BACH2: variants seen among roughly 807,000 people sequenced by gnomAD.
The protein encoded by BACH2 is transcription regulator protein BACH2.
Under a neutral mutation model 61.8 loss-of-function variants are expected in BACH2, and 5 were observed. The observed-to-expected ratio is 0.08, with a 90% confidence interval of 0.04 to 0.17. The LOEUF (loss-of-function observed/expected upper bound fraction) is 0.17. BACH2 is among the 10% of genes least tolerant of loss of function. The pLI is 1.00. For missense variants in BACH2, 824 were observed against 1,091.1 expected (o/e 0.76, Z 3.45); for synonymous variants, 446 against 440.1 (o/e 1.01, Z -0.17).
chr6:89,947,198 C>A (rs1478131549), intron 7 of BACH2, among the ~76,000 whole-genome samples: 1 of 152,182 alleles, frequency 6.6e-6, no homozygotes, highest in Non-Finnish European at 1.5e-5. Context: ...CAGGGCAGGG[C>A]AGAATTAGCC....
At chr6:90,211,588 CTGTGTGTGTGTGTGTG>C (rs3072674) in intron 3 of BACH2, among the ~76,000 whole-genome samples, 26 of 144,136 alleles carry the variant, frequency 1.8e-4, no homozygotes, top group Admixed American at 5.5e-4. Flanking sequence ...GTGTCAAGGG[CTGTGTGTGTGTGTGTG>C]TGTGTGTGTG....
At chr6:90,219,783 CAT>C (rs1339818073) in intron 3 of BACH2, among the ~76,000 whole-genome samples, 4 of 39,968 alleles carry the variant, frequency 1.0e-4, no homozygotes, top group African/African-American at 1.6e-4. Context: ...CTTTAAAACA[CAT>C]ACACACACAC....
intron 5 of BACH2, among the ~76,000 whole-genome samples, chr6:90,028,193 T>C (rs1006567423): frequency 2.0e-5 from 3 of 152,216 alleles, no homozygotes; most frequent in South Asian, 2.1e-4. Flanking sequence ...CAGAGTACTC[T>C]GCTCGCATCA....
intron 2 of BACH2, 69 bp from the exon 3 acceptor site, chr6:90,252,659 T>G: frequency 6.6e-6 from 1 of 152,178 alleles, no homozygotes; most frequent in East Asian, 1.9e-4. Context: ...TTTTTATCAA[T>G]GATTGAGACA....
rs73492697 is a variant in BACH2, at chr6:89,948,956, T to C, written c.1836+1314A>G. 4.9e-3 allele frequency among the ~76,000 whole-genome samples: 741 copies of C among 152,322 alleles called. 5 individuals carry two copies. The highest frequency in any genetic ancestry group is 0.017 in the African/African-American group (712 of 41,578). On this transcript the variant is annotated intron_variant, in intron 7 of 8. Coordinates refer to ENST00000257749, the MANE Select transcript of BACH2 (RefSeq NM_021813.4). ...GTTAAGAGAGGGGCAGAAACCAGGC[T>C]AGCAAGCAAAGAAAGTGACCACAGG...
intron 5 of BACH2, among the ~76,000 whole-genome samples, chr6:90,079,211 T>C (rs76711580): frequency 0.013 from 1,980 of 152,262 alleles, 41 homozygotes; most frequent in African/African-American, 0.046. Context: ...CTTGGTTAAC[T>C]GTCCCTCCAA....
At chr6:90,164,521 C>A (rs202194039) in intron 4 of BACH2, among the ~76,000 whole-genome samples, 15,034 of 151,958 alleles carry the variant, frequency 0.099, 1,091 homozygotes, top group East Asian at 0.38. Flanking sequence ...TGAAACTATT[C>A]CAATCAATAG....
At chr6:90,083,500 A>G (rs1781806215) in intron 5 of BACH2, among the ~76,000 whole-genome samples, 1 of 152,236 alleles carries the variant, frequency 6.6e-6, no homozygotes, top group Admixed American at 6.5e-5. Context: ...ACAAATAATC[A>G]TATCATAGGT....
intron 5 of BACH2, among the ~76,000 whole-genome samples, chr6:90,009,733 C>T (rs530473187): frequency 6.6e-6 from 1 of 152,312 alleles, no homozygotes; most frequent in East Asian, 1.9e-4. Flanking sequence ...GTGCGATTCT[C>T]AGCTCACTGC....
At chr6:89,980,438 AT>A (rs1230663533) in intron 6 of BACH2, among the ~76,000 whole-genome samples, 6 of 152,208 alleles carry the variant, frequency 3.9e-5, no homozygotes, top group Non-Finnish European at 8.8e-5. Context: ...AAAGTGCATT[AT>A]AAGTAAGTGC....
At chr6:90,085,180 G>A (rs1413693758) in intron 5 of BACH2, among the ~76,000 whole-genome samples, 1 of 152,176 alleles carries the variant, frequency 6.6e-6, no homozygotes, top group African/African-American at 2.4e-5. Flanking sequence ...GGTGATGGGG[G>A]ATAAATCTTG....
At chr6:90,138,053 A>AC (rs1784336797) in intron 4 of BACH2, among the ~76,000 whole-genome samples, 8 of 143,566 alleles carry the variant, frequency 5.6e-5, no homozygotes, top group African/African-American at 2.1e-4. Flanking sequence ...CTAATCATAA[A>AC]ACACACACAC....
chr6:90,293,907 A>T (rs2127895022), intron 1 of BACH2, among the ~76,000 whole-genome samples: 1 of 152,330 alleles, frequency 6.6e-6, no homozygotes, highest in East Asian at 1.9e-4. Context: ...GAGGTGAGCT[A>T]CTGGAAAAGA....
chr6:90,028,147 A>T (rs527471956), intron 5 of BACH2, among the ~76,000 whole-genome samples: 1 of 152,308 alleles, frequency 6.6e-6, no homozygotes, highest in African/African-American at 2.4e-5. Flanking sequence ...GTGAAGGTCA[A>T]ATAAGGCAAC....
chr6:89,980,028 C>T (rs1344857454), intron 6 of BACH2, among the ~76,000 whole-genome samples: 2 of 152,130 alleles, frequency 1.3e-5, no homozygotes, highest in African/African-American at 4.8e-5. Flanking sequence ...CGTGGTGGCT[C>T]ACACCTTTAA....
At chr6:90,195,323 C>T (rs549297147) in intron 4 of BACH2, among the ~76,000 whole-genome samples, 5 of 152,094 alleles carry the variant, frequency 3.3e-5, no homozygotes, top group Non-Finnish European at 5.9e-5. Flanking sequence ...GCAAGGAGAG[C>T]GAGCAGAGGG....
chr6:90,296,606 C>A lies in BACH2; in HGVS notation c.-572G>T, dbSNP rs2127898316. The stretch of plus-strand genomic sequence containing the variant: ...ACCGAAAGCTCGCGGAGGGGACGCG[C>A]ATCACATGGCAGCTCGTTCCCAGCC... On this transcript the variant is annotated 5_prime_UTR_variant, in exon 1 of 9. It removes an upstream start codon present in the reference 5' UTR. Transcript: ENST00000257749. The A allele has an allele frequency of 6.6e-6, 1 of 151,916 alleles. No homozygotes were observed. The highest frequency in any genetic ancestry group is 1.5e-5 in the Non-Finnish European group (1 of 67,748). 9.4% of individuals were successfully genotyped at this position (151,916 alleles called of 1,614,324 possible).
intron 3 of BACH2, among the ~76,000 whole-genome samples, chr6:90,240,994 C>T (rs905238273): frequency 2.0e-5 from 3 of 151,596 alleles, no homozygotes; most frequent in Admixed American, 6.6e-5. Flanking sequence ...ATTAGCCAGG[C>T]GTGGTGGCGT....
intron 5 of BACH2, among the ~76,000 whole-genome samples, chr6:90,035,189 T>C (rs944789114): frequency 6.6e-6 from 1 of 152,044 alleles, no homozygotes; most frequent in African/African-American, 2.4e-5. Flanking sequence ...CCTCTCTGGG[T>C]TGTTAACATA....
Sources: gnomAD v4.1 joint callset for allele counts (sites outside exome capture counted in the v4.1 genomes callset) on GRCh38, gnomAD v4.1.1 for gene constraint, MANE v1.5 for transcripts, NCBI Gene and HGNC (gene_info 2026-07-23, HGNC 2026-07-21) for gene names.